CD99L2: variants seen among roughly 807,000 people sequenced by gnomAD.
CD99L2 encodes the protein CD99 molecule like 2, also known as CD99 antigen-like protein 2.
In CD99L2, 24 loss-of-function variants were observed where a neutral mutation model predicts 27.3. The observed-to-expected ratio is 0.88, with a 90% CI of 0.64 to 1.24. The LOEUF is 1.24. Ranked by LOEUF, CD99L2 falls within the 50% of genes most tolerant of loss-of-function variation. The pLI is 0.00. For synonymous variants in CD99L2, 97 were observed against 87.9 expected (o/e 1.10, Z -0.58); for missense variants, 255 against 221.6 (o/e 1.15, Z -0.96).
intron 1 of CD99L2, among the ~76,000 whole-genome samples, chrX:150,884,546 G>A (rs1557422569): frequency 8.9e-6 from 1 of 112,043 alleles, no homozygotes; most frequent in Non-Finnish European, 1.9e-5. Flanking sequence ...AGGCATGCTG[G>A]CATGCACCTG....
intron 4 of CD99L2, among the ~76,000 whole-genome samples, chrX:150,807,670 T>C (rs978611101): frequency 8.9e-6 from 1 of 111,788 alleles, no homozygotes; most frequent in Non-Finnish European, 1.9e-5. Flanking sequence ...GTGTAGATTA[T>C]AAGAAAAAAA....
chrX:150,787,033 A>G (rs2045604645), intron 7 of CD99L2, among the ~76,000 whole-genome samples: 1 of 111,568 alleles, frequency 9.0e-6, no homozygotes, highest in Admixed American at 9.5e-5. Context: ...AAGTCTGTTC[A>G]TGTCTTTTGC....
chrX:150,806,304 G>A (rs1230655097), intron 4 of CD99L2, among the ~76,000 whole-genome samples: 2 of 112,090 alleles, frequency 1.8e-5, no homozygotes, highest in East Asian at 5.6e-4. Context: ...CACCCAGGCT[G>A]CAGTGCAGTG....
intron 1 of CD99L2, among the ~76,000 whole-genome samples, chrX:150,897,439 G>A (rs1557423110): frequency 1.8e-5 from 2 of 112,109 alleles, no homozygotes; most frequent in Non-Finnish European, 3.8e-5. Flanking sequence ...TGCATCTTTT[G>A]CAAAAGTGGC....
intron 1 of CD99L2, among the ~76,000 whole-genome samples, chrX:150,848,122 CT>C (rs1430287505): frequency 1.8e-4 from 19 of 107,568 alleles, no homozygotes; most frequent in African/African-American, 4.1e-4. Flanking sequence ...CCCCCCCCCC[CT>C]TGTACTATAC....
intron 1 of CD99L2, among the ~76,000 whole-genome samples, chrX:150,848,111 G>GCC (rs372216723): frequency 0.034 from 3,153 of 93,277 alleles, 79 homozygotes; most frequent in African/African-American, 0.049. Flanking sequence ...TGGCCTGCAG[G>GCC]CCCCCCCCCC....
intron 6 of CD99L2, among the ~76,000 whole-genome samples, chrX:150,794,035 G>A (rs981851674): frequency 9.0e-6 from 1 of 111,197 alleles, no homozygotes; most frequent in East Asian, 2.8e-4. Flanking sequence ...ATTTTGCAGA[G>A]GTGATTAAGG....
chrX:150,769,009 G>T lies in CD99L2; in HGVS notation c.*25C>A, dbSNP rs375339103. The T allele has an allele frequency of 8.8e-7, 1 of 1,139,163 alleles. No homozygotes were observed. The highest frequency in any genetic ancestry group is 2.5e-4 in the Middle Eastern group (1 of 3,995). The allele number at this position is 1,139,163 out of a possible 1,213,427, so 93.9% of individuals were successfully genotyped here. On this transcript the variant is annotated 3_prime_UTR_variant, in exon 11 of 11. Coordinates refer to ENST00000370377, the MANE Select transcript of CD99L2 (RefSeq NM_031462.4). Reference sequence around the variant, plus strand: ...GGGTGACAAGCGGTGGCACCATTGTGCATGCCTGCAGCTGGACAGGGCCCT... The same window carrying T: ...GGGTGACAAGCGGTGGCACCATTGTTCATGCCTGCAGCTGGACAGGGCCCT...
At chrX:150,874,983 ATCTC>A (rs1170629965) in intron 1 of CD99L2, among the ~76,000 whole-genome samples, 1 of 111,580 alleles carries the variant, frequency 9.0e-6, no homozygotes, top group Non-Finnish European at 1.9e-5. Flanking sequence ...CCTGCCAGGC[ATCTC>A]TCTCTATCTG....
At chrX:150,884,488 G>C (rs1392728946) in intron 1 of CD99L2, among the ~76,000 whole-genome samples, 1 of 111,715 alleles carries the variant, frequency 9.0e-6, no homozygotes. Flanking sequence ...GACTAGCCTG[G>C]GTAACATGGT....
intron 4 of CD99L2, among the ~76,000 whole-genome samples, chrX:150,802,078 G>T (rs2045916360): frequency 2.7e-5 from 3 of 111,660 alleles, no homozygotes; most frequent in Admixed American, 1.9e-4. Flanking sequence ...ATACAGATTG[G>T]AAAGGAAGAA....
chrX:150,898,068 C>T (rs977376459), intron 1 of CD99L2, among the ~76,000 whole-genome samples: 3 of 53,716 alleles, frequency 5.6e-5, no homozygotes, highest in African/African-American at 1.6e-4. Context: ...CCCCCCCCCC[C>T]CCCCACAGCC....
At chrX:150,854,907 C>G (rs183344467) in intron 1 of CD99L2, among the ~76,000 whole-genome samples, 2 of 110,679 alleles carry the variant, frequency 1.8e-5, no homozygotes, top group Middle Eastern at 4.6e-3. Flanking sequence ...TGCTGCCCCC[C>G]CTCCCCCCGG....
At chrX:150,869,740 T>C (rs1271398838) in intron 1 of CD99L2, among the ~76,000 whole-genome samples, 1 of 112,144 alleles carries the variant, frequency 8.9e-6, no homozygotes, top group African/African-American at 3.2e-5. Context: ...ACAACCTTTG[T>C]ACTAAAGAGA....
At chrX:150,880,059 A>G (rs1353436371) in intron 1 of CD99L2, among the ~76,000 whole-genome samples, 2 of 111,715 alleles carry the variant, frequency 1.8e-5, no homozygotes, top group Non-Finnish European at 3.8e-5. Context: ...ACAGAAAATA[A>G]CAAGTGTTGG....
chrX:150,870,811 G>A (rs139429258), intron 1 of CD99L2, among the ~76,000 whole-genome samples: 2 of 109,988 alleles, frequency 1.8e-5, no homozygotes, highest in African/African-American at 6.6e-5. Context: ...GGGAGAGTCC[G>A]CCTTGCTCCA....
chrX:150,793,643 CT>C (rs1557419775), intron 7 of CD99L2, 47 bp downstream of exon 7: 4 of 1,064,930 alleles, frequency 3.8e-6, no homozygotes, highest in Admixed American at 3.0e-5. Context: ...GCATAATCAC[CT>C]TTTTCACCAG....
At chrX:150,894,889 C>A (rs1048298970) in intron 1 of CD99L2, among the ~76,000 whole-genome samples, 2 of 111,265 alleles carry the variant, frequency 1.8e-5, no homozygotes, top group African/African-American at 6.5e-5. Context: ...GCGCCCGGCC[C>A]CCTCATCATG....
At chrX:150,838,704 A>G (rs1557421281) in intron 1 of CD99L2, among the ~76,000 whole-genome samples, 1 of 106,501 alleles carries the variant, frequency 9.4e-6, no homozygotes, top group African/African-American at 3.4e-5. Flanking sequence ...AAGAACTATG[A>G]TAAATAGAAA....
Sources: gnomAD v4.1 joint callset for allele counts (sites outside exome capture counted in the v4.1 genomes callset) on GRCh38, gnomAD v4.1.1 for gene constraint, MANE v1.5 for transcripts, NCBI Gene and HGNC (gene_info 2026-07-23, HGNC 2026-07-21) for gene names.